Variants in KRIT1 observed in about 807,000 individuals in gnomAD.
KRIT1 encodes the protein krev interaction trapped protein 1.
KRIT1 carries 45 observed loss-of-function variants against 95.8 expected under a neutral mutation model. The ratio of observed to expected loss-of-function variants is 0.47; its 90% CI spans 0.37 to 0.60. KRIT1 has a LOEUF of 0.60. Ranked by LOEUF, KRIT1 falls within the 20% of genes least tolerant of loss-of-function variation. The pLI is 0.00. For synonymous variants in KRIT1, 282 were observed against 278.8 expected, an observed-to-expected ratio of 1.01 and a Z score of -0.11; for missense variants, 788 against 877.5, an observed-to-expected ratio of 0.90 and a Z score of 1.29.
intron 3 of KRIT1, among the ~76,000 whole-genome samples, chr7:92,243,757 A>C (rs1334008405): frequency 1.4e-4 from 21 of 152,158 alleles, no homozygotes; most frequent in Non-Finnish European, 2.9e-5. Flanking sequence ...AAATTATTGT[A>C]CAAAAATTTT....
At position 92,235,534 on chromosome 7, in the gene KRIT1, C is replaced by G; in HGVS notation, c.598G>C (p.Gly200Arg). The G allele has an allele frequency of 3.7e-6, 6 of 1,613,886 alleles. No homozygotes were observed. The Admixed American group carries it at 8.3e-5, about 22-fold the overall frequency. ...VINPAYATES[G>R]QTENSLHMGY... ...ATATGTAGTGAGTTTTCTGTCTGACCTGATTCAGTAGCATATGCAGGATTT... is the reference window on the plus strand; with the variant it reads ...ATATGTAGTGAGTTTTCTGTCTGACGTGATTCAGTAGCATATGCAGGATTT... The change falls in exon 8 of 19, where the codon GGT becomes CGT. Residue 200 changes from glycine to arginine, a missense_variant. Gly to Arg is a moderately radical substitution (Grantham distance 125). Around this residue, in one of 3 missense-constraint regions of KRIT1, gnomAD observed 289 missense variants for 277.5 expected, o/e 1.04. Transcript: ENST00000394505.
In KRIT1 at chr7:92,240,984, G is replaced by A; in HGVS notation, c.262+9C>T. On this transcript the variant is annotated intron_variant, in intron 5 of 18. Transcript: ENST00000394505. ...AAACAATGTGTTTTTTAAAAAAGAA[G>A]TTTCCTACCTCTGATACCCTGGTTT... The A allele has an allele frequency of 1.9e-6, 3 of 1,599,538 alleles. 1 individual carries two copies. In the South Asian group the frequency reaches 3.3e-5, roughly 18 times the overall value.
chr7:92,231,499 T>C (rs1260178687), intron 10 of KRIT1, among the ~76,000 whole-genome samples: 2 of 152,112 alleles, frequency 1.3e-5, no homozygotes, highest in Non-Finnish European at 2.9e-5. Flanking sequence ...ACTAATCTAA[T>C]TAAAACCCTC....
chr7:92,243,757 AC>A (rs1309849817), intron 3 of KRIT1, among the ~76,000 whole-genome samples: 2 of 152,158 alleles, frequency 1.3e-5, no homozygotes, highest in African/African-American at 4.8e-5. Flanking sequence ...AAATTATTGT[AC>A]AAAAATTTTA....
chr7:92,201,203 A>G, intron 18 of KRIT1, 104 bp downstream of exon 18: 1 of 729,498 alleles, frequency 1.4e-6, no homozygotes, highest in Middle Eastern at 3.7e-4. Context: ...ATTTCATGAA[A>G]TATTACAGGT....
rs948111042 is a variant in KRIT1, at chr7:92,210,682, T to C, written c.2025+2513A>G. Among the ~76,000 whole-genome samples, 6 of 152,212 alleles carry C rather than the reference T, an allele frequency of 3.9e-5. 1 individual carries two copies. The Middle Eastern group carries it at 0.01, about 259-fold the overall frequency. On this transcript the variant is annotated intron_variant, in intron 17 of 18. Coordinates refer to ENST00000394505, the MANE Select transcript of KRIT1 (RefSeq NM_194454.3). ...GGCAACAAAAACAAAAACAGACAAATGGGACTATTTAAACTATTAAGCTTC... is the reference window on the plus strand; with the variant it reads ...GGCAACAAAAACAAAAACAGACAAACGGGACTATTTAAACTATTAAGCTTC...
chr7:92,245,015 T>C lies in KRIT1; in HGVS notation c.-264A>G, dbSNP rs1442209370. ...AACAGGTTTGCTAACATCCTCTTAG[T>C]ATGCTAGACAGCGTTTGCAAACAGA... is the stretch of plus-strand genomic sequence containing the variant. On this transcript the variant is annotated 5_prime_UTR_variant, in exon 2 of 19. The change creates a new upstream start codon in the 5' untranslated region. Transcript: ENST00000394505. 2 of 152,004 alleles carry C rather than the reference T, an allele frequency of 1.3e-5. No individual in the cohort carries two copies. The highest frequency in any genetic ancestry group is 4.8e-5 in the African/African-American group (2 of 41,330). 9.4% of individuals were successfully genotyped at this position (152,004 alleles called of 1,614,324 possible).
At chr7:92,238,658 C>T (rs1798933714) in intron 5 of KRIT1, among the ~76,000 whole-genome samples, 1 of 152,164 alleles carries the variant, frequency 6.6e-6, no homozygotes, top group African/African-American at 2.4e-5. Context: ...CTTAATCTTT[C>T]CTGCCTTGCT....
intron 17 of KRIT1, among the ~76,000 whole-genome samples, chr7:92,204,779 T>A (rs965562330): frequency 6.6e-6 from 1 of 152,078 alleles, no homozygotes; most frequent in African/African-American, 2.4e-5. Context: ...GCTCATCTGC[T>A]GTGCGGCCCG....
rs563675768 is a variant in KRIT1, at chr7:92,229,118, G to A, written c.990-2436C>T. Among the ~76,000 whole-genome samples the A allele has an allele frequency of 3.9e-5, 6 of 152,298 alleles. No individual in the cohort carries two copies. In the East Asian group the frequency reaches 1.2e-3, roughly 29 times the overall value. On this transcript the variant is annotated intron_variant, in intron 10 of 18. Transcript: ENST00000394505. ...TGGGTATATACACAGTAATGGGATT[G>A]CTAGGTCAAATGGGAGTTCTGTTTT... is the stretch of plus-strand genomic sequence containing the variant.
intron 14 of KRIT1, among the ~76,000 whole-genome samples, 160 bp from the exon 15 acceptor site, chr7:92,214,937 T>C (rs1318076087): frequency 6.6e-6 from 1 of 152,136 alleles, no homozygotes; most frequent in East Asian, 1.9e-4. Flanking sequence ...GCCCAGAGAG[T>C]AGTATTTTAA....
In KRIT1 at chr7:92,228,559, T is replaced by A. The variant is rs140822225; in HGVS notation, c.990-1877A>T. Among the ~76,000 whole-genome samples, 14 of 152,270 alleles carry A rather than the reference T, an allele frequency of 9.2e-5. No homozygotes were observed. The East Asian group carries it at 2.5e-3, about 27-fold the overall frequency. On this transcript the variant is annotated intron_variant, in intron 10 of 18. Coordinates refer to ENST00000394505, the MANE Select transcript of KRIT1 (RefSeq NM_194454.3). ...ACTCAGGTGATTTGTTTTACTCAGGTGATTTGTTTTGCTCAGGTTTTGCTA... is the reference window on the plus strand; with the variant it reads ...ACTCAGGTGATTTGTTTTACTCAGGAGATTTGTTTTGCTCAGGTTTTGCTA...
intron 5 of KRIT1, among the ~76,000 whole-genome samples, chr7:92,240,584 G>A (rs923816502): frequency 1.3e-5 from 2 of 151,886 alleles, no homozygotes; most frequent in South Asian, 2.1e-4. Flanking sequence ...TTCTGAAAAG[G>A]GTCTTCTTTC....
At chr7:92,234,623 C>G (rs779351441) in intron 9 of KRIT1, 31 bp from the exon 10 acceptor site, 5 of 1,585,176 alleles carry the variant, frequency 3.2e-6, no homozygotes, top group Non-Finnish European at 4.3e-6. Context: ...TTGAAAAATA[C>G]AACAGGACTG....
chr7:92,246,061 A>G, upstream of KRIT1: 1 of 278,780 alleles, frequency 3.6e-6, no homozygotes, highest in Non-Finnish European at 6.9e-6. Context: ...CTAGGAGACT[A>G]GGGTGGTGGC....
Position 92,226,515 on chromosome 7 carries a change from A to G in KRIT1, c.1146+11T>C. 6.2e-7 allele frequency: 1 copy of G among 1,600,488 alleles called. No individual in the cohort carries two copies. Among genetic ancestry groups the G allele is most frequent in the Non-Finnish European group, 8.6e-7 (1 of 1,167,778 alleles). ...TGAATATTATTTTTAAAAACCTGGAAAATAACTTACTCTATCCGTTTCTGG... is the reference window on the plus strand; with the variant it reads ...TGAATATTATTTTTAAAAACCTGGAGAATAACTTACTCTATCCGTTTCTGG... On this transcript the variant is annotated intron_variant, in intron 11 of 18. Coordinates refer to ENST00000394505, the MANE Select transcript of KRIT1 (RefSeq NM_194454.3).
At chr7:92,240,027 C>T (rs1267345301) in intron 5 of KRIT1, among the ~76,000 whole-genome samples, 1 of 151,990 alleles carries the variant, frequency 6.6e-6, no homozygotes, top group Non-Finnish European at 1.5e-5. Context: ...GTAGGAACTA[C>T]TTATAATCCT....
At chr7:92,231,279 C>A (rs986326904) in intron 10 of KRIT1, among the ~76,000 whole-genome samples, 2 of 151,982 alleles carry the variant, frequency 1.3e-5, no homozygotes, top group African/African-American at 4.8e-5. Flanking sequence ...GTCTGGCTAC[C>A]AATCTTGAAT....
chr7:92,232,104 G>A (rs1029609382), intron 10 of KRIT1, among the ~76,000 whole-genome samples: 2 of 151,934 alleles, frequency 1.3e-5, no homozygotes, highest in Non-Finnish European at 2.9e-5. Flanking sequence ...GCTAATTTTT[G>A]TATTTTCAGT....
Sources: allele counts gnomAD v4.1 joint callset (sites outside exome capture counted in the v4.1 genomes callset), GRCh38; gene constraint gnomAD v4.1.1; regional missense constraint gnomAD v4.1.1; transcripts MANE v1.5; gene names NCBI Gene and HGNC (gene_info 2026-07-23, HGNC 2026-07-21).